Variants in ATP2B1 observed in about 807,000 individuals in gnomAD.
The protein encoded by ATP2B1 is ATPase plasma membrane Ca2+ transporting 1.
A neutral mutation model predicts 124.2 loss-of-function variants in ATP2B1; 14 were observed. The observed-to-expected ratio is 0.11, with a 90% CI of 0.07 to 0.18. ATP2B1 has a LOEUF of 0.18. ATP2B1 is among the 10% of genes least tolerant of loss of function. ATP2B1 has a pLI of 1.00. For synonymous variants in ATP2B1, 449 were observed against 492.4 expected, an observed-to-expected ratio of 0.91 and a Z score of 1.17; for missense variants, 763 against 1,466.1, an observed-to-expected ratio of 0.52 and a Z score of 7.83.
intron 12 of ATP2B1, among the ~76,000 whole-genome samples, chr12:89,612,861 T>C (rs1458765911): frequency 6.6e-6 from 1 of 152,240 alleles, no homozygotes; most frequent in East Asian, 1.9e-4. Context: ...AGTATACCTT[T>C]TGTTCATTTA....
At chr12:89,591,417 AGTGGAACTTGC>A in intron 20 of ATP2B1, 122 bp from the exon 21 acceptor site, 5 of 831,138 alleles carry the variant, frequency 6.0e-6, no homozygotes, top group Non-Finnish European at 9.2e-6. Context: ...CATGTAATGC[AGTGGAACTTGC>A]AATACACTGT....
At chr12:89,680,108 G>C (rs532542041) in intron 1 of ATP2B1, among the ~76,000 whole-genome samples, 1 of 152,020 alleles carries the variant, frequency 6.6e-6, no homozygotes, top group Admixed American at 6.6e-5. Flanking sequence ...AACTACCAAG[G>C]AATAAAAGAA....
intron 3 of ATP2B1, 26 bp from the exon 4 acceptor site, chr12:89,635,277 A>G: frequency 1.3e-6 from 2 of 1,599,296 alleles, no homozygotes; most frequent in Non-Finnish European, 1.7e-6. Flanking sequence ...GAAAATGCTT[A>G]TCAAAAAGAT....
chr12:89,675,294 T>C (rs1163109805), intron 1 of ATP2B1, among the ~76,000 whole-genome samples: 1 of 152,208 alleles, frequency 6.6e-6, no homozygotes, highest in Non-Finnish European at 1.5e-5. Context: ...AATAAGCTTA[T>C]ACTTTTCATA....
chr12:89,681,614 C>T (rs1889364045), intron 1 of ATP2B1, among the ~76,000 whole-genome samples: 1 of 152,068 alleles, frequency 6.6e-6, no homozygotes. Context: ...TTTAGACCAA[C>T]ATTACTTACA....
At chr12:89,593,710 C>T (rs1043866015) in intron 20 of ATP2B1, 5 of 151,980 alleles carry the variant, frequency 3.3e-5, no homozygotes, top group South Asian at 2.1e-4. Context: ...ACACATACAC[C>T]GGTGGCAGGC....
chr12:89,680,360 A>G (rs183646536), intron 1 of ATP2B1, among the ~76,000 whole-genome samples: 4 of 152,180 alleles, frequency 2.6e-5, no homozygotes, highest in Admixed American at 2.6e-4. Flanking sequence ...CAAAAACTAA[A>G]AAGAGAGATG....
At chr12:89,642,739 G>T (rs1883754070) in intron 2 of ATP2B1, among the ~76,000 whole-genome samples, 1 of 151,982 alleles carries the variant, frequency 6.6e-6, no homozygotes, top group Non-Finnish European at 1.5e-5. Context: ...CGAGTAGCTG[G>T]GACTATAGGT....
chr12:89,624,160 C>A, intron 9 of ATP2B1, 23 bp downstream of exon 9: 4 of 1,604,166 alleles, frequency 2.5e-6, no homozygotes, highest in South Asian at 2.2e-5. Context: ...ATAACAACGT[C>A]TACTGAACTA....
At chr12:89,616,264 TAA>T (rs1208901050) in intron 12 of ATP2B1, among the ~76,000 whole-genome samples, 1 of 151,952 alleles carries the variant, frequency 6.6e-6, no homozygotes, top group Non-Finnish European at 1.5e-5. Flanking sequence ...AAAAAAAAAT[TAA>T]AGAGGGAAAT....
At position 89,589,784 on chromosome 12, in the gene ATP2B1, T is replaced by A. The variant is rs932411891; in HGVS notation, c.*1200A>T. ...TGAGTAAAGAAGCTGAAATGTCTTTTAAAAAAACATTGCCATGAATTTATT... is the reference window on the plus strand; with the variant it reads ...TGAGTAAAGAAGCTGAAATGTCTTTAAAAAAAACATTGCCATGAATTTATT... On this transcript the variant is annotated 3_prime_UTR_variant, in exon 21 of 21. Coordinates refer to ENST00000428670, the MANE Select transcript of ATP2B1 (RefSeq NM_001366521.1). 6.6e-6 allele frequency: 1 copy of A among 152,136 alleles called. No individual in the cohort carries two copies. The highest frequency in any genetic ancestry group is 2.4e-5 in the African/African-American group (1 of 41,438). 9.4% of individuals were successfully genotyped at this position (152,136 alleles called of 1,614,324 possible).
At chr12:89,643,146 G>A (rs1355141264) in intron 2 of ATP2B1, among the ~76,000 whole-genome samples, 7 of 148,670 alleles carry the variant, frequency 4.7e-5, no homozygotes, top group Non-Finnish European at 5.9e-5. Context: ...ATATACACGT[G>A]TATATGTATA....
chr12:89,684,213 G>A (rs1006199191), intron 1 of ATP2B1, among the ~76,000 whole-genome samples: 2 of 152,224 alleles, frequency 1.3e-5, no homozygotes, highest in African/African-American at 4.8e-5. Context: ...GCAGGGACGG[G>A]AAAGTAGAAA....
intron 1 of ATP2B1, among the ~76,000 whole-genome samples, chr12:89,675,101 T>C (rs1344944360): frequency 1.3e-5 from 2 of 152,178 alleles, no homozygotes; most frequent in Admixed American, 6.5e-5. Context: ...AATCCAGAAG[T>C]GTCCTGTGTT....
intron 6 of ATP2B1, among the ~76,000 whole-genome samples, chr12:89,628,876 T>A (rs770526391): frequency 6.6e-6 from 1 of 152,096 alleles, no homozygotes; most frequent in South Asian, 2.1e-4. Context: ...TCCAGGCCAC[T>A]GAGGGAACTG....
chr12:89,604,110 T>G (rs1423419771), intron 16 of ATP2B1, 45 bp downstream of exon 16: 1 of 1,564,666 alleles, frequency 6.4e-7, no homozygotes. Flanking sequence ...AATATACTTT[T>G]TAAATTTAAA....
rs368095009 is a variant in ATP2B1 at position 89,609,540 on chromosome 12, A to G, written c.2442+397T>C. ...ATGATGGTATTCAATTACTTTTTAA[A>G]TAACTGAAGAGTAACTGAGTAGATG... is the stretch of plus-strand genomic sequence containing the variant. On this transcript the variant is annotated intron_variant, in intron 15 of 20. Coordinates refer to ENST00000428670, the MANE Select transcript of ATP2B1 (RefSeq NM_001366521.1). 1.0e-3 allele frequency among the ~76,000 whole-genome samples: 154 copies of G among 152,338 alleles called. 10 individuals are homozygous for G. The South Asian group carries it at 0.031, about 31-fold the overall frequency.
At chr12:89,708,870 A>C (rs917560977), upstream of ATP2B1, 36 of 151,916 alleles carry the variant, frequency 2.4e-4, no homozygotes, top group Non-Finnish European at 2.9e-4. Flanking sequence ...AAGGAGGAGG[A>C]GGCGGCGCCC....
Position 89,642,317 on chromosome 12 carries a change from C to T in ATP2B1, c.247G>A (p.Ala83Thr), listed in dbSNP as rs1429833127. 2 of 1,613,534 alleles carry T rather than the reference C, an allele frequency of 1.2e-6. No individual in the cohort carries two copies. The highest frequency in any genetic ancestry group is 1.7e-6 in the Non-Finnish European group (2 of 1,179,910). ...GNPADLERRE[A>T]VFGKNFIPPK... ...GGTATAAAATTCTTTCCAAACACTG[C>T]TTCTCTTCTTTCTAAATCTGCAGGG... is the stretch of plus-strand genomic sequence containing the variant. Residue 83 changes from alanine to threonine, a missense_variant, in exon 3 of 21, where the codon GCA (alanine) becomes ACA (threonine). Coordinates refer to ENST00000428670, the MANE Select transcript of ATP2B1 (RefSeq NM_001366521.1).
Sources: allele counts gnomAD v4.1 joint callset (sites outside exome capture counted in the v4.1 genomes callset), GRCh38; gene constraint gnomAD v4.1.1; transcripts MANE v1.5; gene names NCBI Gene and HGNC (gene_info 2026-07-23, HGNC 2026-07-21).